The following SH3BGR variants were observed in gnomAD, a reference collection of about 807,000 sequenced individuals.
The protein encoded by SH3BGR is SH3 domain-binding glutamic acid-rich protein.
In SH3BGR, 29 loss-of-function variants were observed where a neutral mutation model predicts 24.5. That is an observed-to-expected ratio of 1.18 (90% CI 0.88 to 1.61). The LOEUF is 1.61. Ranked by LOEUF, SH3BGR falls within the 40% of genes most tolerant of loss-of-function variation. The probability of loss-of-function intolerance (pLI) is 0.00; values close to 1 mark genes in which losing one functional copy is unlikely to be tolerated. For synonymous variants in SH3BGR, 55 were observed against 65.7 expected (o/e 0.84, Z 0.79); for missense variants, 162 against 205.8 (o/e 0.79, Z 1.30).
intron 3 of SH3BGR, among the ~76,000 whole-genome samples, chr21:39,494,066 C>T (rs1211255051): frequency 1.3e-5 from 2 of 152,026 alleles, no homozygotes; most frequent in Non-Finnish European, 2.9e-5. Flanking sequence ...ATCTCACAGT[C>T]TACTTAGACT....
intron 4 of SH3BGR, among the ~76,000 whole-genome samples, chr21:39,508,153 C>T (rs1353579347): frequency 2.0e-5 from 3 of 152,134 alleles, no homozygotes; most frequent in South Asian, 2.1e-4. Context: ...ACATTCAGTG[C>T]CCCCCGTCCA....
At chr21:39,467,338 A>G (rs1374552470) in intron 2 of SH3BGR, among the ~76,000 whole-genome samples, 1 of 152,180 alleles carries the variant, frequency 6.6e-6, no homozygotes, top group African/African-American at 2.4e-5. Context: ...GTATTTTCCT[A>G]TAACAAATAT....
At chr21:39,512,740 C>G (rs2078717730) in intron 6 of SH3BGR, among the ~76,000 whole-genome samples, 1 of 151,966 alleles carries the variant, frequency 6.6e-6, no homozygotes, top group African/African-American at 2.4e-5. Context: ...TGCAGTGAGC[C>G]AAGATTGCAC....
intron 1 of SH3BGR, among the ~76,000 whole-genome samples, chr21:39,456,834 T>C (rs571981790): frequency 6.6e-6 from 1 of 152,296 alleles, no homozygotes; most frequent in Non-Finnish European, 1.5e-5. Flanking sequence ...TTTGTTGGCC[T>C]GAGTCTTACA....
At chr21:39,454,253 C>G (rs888302791) in intron 1 of SH3BGR, among the ~76,000 whole-genome samples, 2 of 152,194 alleles carry the variant, frequency 1.3e-5, no homozygotes, top group African/African-American at 2.4e-5. Context: ...GTCTGCCAAG[C>G]CTTTCCTACT....
intron 3 of SH3BGR, among the ~76,000 whole-genome samples, chr21:39,478,890 G>A (rs911738017): frequency 6.6e-6 from 1 of 151,866 alleles, no homozygotes; most frequent in African/African-American, 2.4e-5. Context: ...TTCTTATTAT[G>A]TAGGTTCATT....
chr21:39,481,166 A>G (rs1277263433), intron 3 of SH3BGR, among the ~76,000 whole-genome samples: 1 of 152,190 alleles, frequency 6.6e-6, no homozygotes, highest in East Asian at 1.9e-4. Flanking sequence ...TAGCAGTCGC[A>G]ACAAGAACAA....
intron 2 of SH3BGR, 36 bp downstream of exon 2, chr21:39,462,596 G>A (rs776296131): frequency 6.3e-6 from 9 of 1,421,990 alleles, no homozygotes; most frequent in African/African-American, 1.5e-5. Flanking sequence ...CCTGCTGTGT[G>A]TGTGTTTATT....
At chr21:39,479,229 G>GTGATGGTGA (rs770856184) in intron 3 of SH3BGR, among the ~76,000 whole-genome samples, 2,067 of 142,120 alleles carry the variant, frequency 0.015, 41 homozygotes, top group African/African-American at 0.045. Context: ...GGTAAGGGTG[G>GTGATGGTGA]TGGTGGTGGT....
At chr21:39,491,809 C>T (rs9976208) in intron 3 of SH3BGR, 112,267 of 201,744 alleles carry the variant, frequency 0.56, 31,693 homozygotes, top group East Asian at 0.68. Flanking sequence ...TGTTCTTGGG[C>T]ACACATCAGG....
intron 6 of SH3BGR, among the ~76,000 whole-genome samples, chr21:39,512,153 G>A (rs1452660425): frequency 1.3e-5 from 2 of 152,172 alleles, no homozygotes; most frequent in Admixed American, 6.5e-5. Flanking sequence ...GATACAGCAA[G>A]TGTCCTTTTA....
At chr21:39,446,576 AT>A (rs1555909101) in intron 1 of SH3BGR, among the ~76,000 whole-genome samples, 1 of 152,066 alleles carries the variant, frequency 6.6e-6, no homozygotes, top group Non-Finnish European at 1.5e-5. Flanking sequence ...TTTTCTTAAA[AT>A]TTTTTTGCCC....
intron 5 of SH3BGR, 80 bp downstream of exon 5, chr21:39,509,107 G>C: frequency 8.6e-7 from 1 of 1,168,504 alleles, no homozygotes; most frequent in Non-Finnish European, 1.3e-6. Flanking sequence ...GCAGCTTGAG[G>C]CACGTTCTTA....
chr21:39,454,516 G>A (rs1159081274), intron 1 of SH3BGR, among the ~76,000 whole-genome samples: 11 of 152,258 alleles, frequency 7.2e-5, no homozygotes, highest in East Asian at 1.9e-4. Flanking sequence ...AGGAGAGGGC[G>A]CGTGACTTCT....
At chr21:39,512,944 A>G (rs7281425) in intron 6 of SH3BGR, among the ~76,000 whole-genome samples, 15,578 of 152,228 alleles carry the variant, frequency 0.1, 1,136 homozygotes, top group Admixed American at 0.19. Flanking sequence ...ATTTGAGGCC[A>G]TAGTTTATTC....
intron 1 of SH3BGR, among the ~76,000 whole-genome samples, chr21:39,460,629 C>T (rs534818351): frequency 1.4e-4 from 21 of 152,076 alleles, no homozygotes; most frequent in Admixed American, 8.5e-4. Flanking sequence ...GCCACCACGC[C>T]CGGGTAATTT....
intron 1 of SH3BGR, among the ~76,000 whole-genome samples, chr21:39,454,239 G>C (rs1190176291): frequency 6.6e-6 from 1 of 152,206 alleles, no homozygotes; most frequent in Non-Finnish European, 1.5e-5. Flanking sequence ...CTGTGTGGCA[G>C]TCAGTCTGCC....
intron 3 of SH3BGR, among the ~76,000 whole-genome samples, chr21:39,498,239 A>G: frequency 6.6e-6 from 1 of 151,358 alleles, no homozygotes; most frequent in East Asian, 1.9e-4. Context: ...GAGGTACCGT[A>G]TCACATTTTT....
intron 4 of SH3BGR, among the ~76,000 whole-genome samples, chr21:39,506,015 A>G (rs1349874705): frequency 6.6e-6 from 1 of 152,254 alleles, no homozygotes. Context: ...GTGAAGAAGA[A>G]GAAAATCAAA....
Sources: gnomAD v4.1 joint callset for allele counts (sites outside exome capture counted in the v4.1 genomes callset) on GRCh38, gnomAD v4.1.1 for gene constraint, MANE v1.5 for transcripts, NCBI Gene and HGNC (gene_info 2026-07-23, HGNC 2026-07-21) for gene names.